SSX2IP: variants seen among roughly 807,000 people sequenced by gnomAD.
The protein encoded by SSX2IP is afadin- and alpha-actinin-binding protein.
A neutral mutation model predicts 84.9 loss-of-function variants in SSX2IP; 55 were observed. The ratio of observed to expected loss-of-function variants is 0.65; its 90% CI spans 0.52 to 0.81. The LOEUF (loss-of-function observed/expected upper bound fraction) is 0.81, where lower values mean the gene tolerates loss of function less well. SSX2IP is among the 30% of genes least tolerant of loss of function. The pLI, the probability that SSX2IP is intolerant of heterozygous loss-of-function variation, is 0.00. For missense variants in SSX2IP, 664 were observed against 705.2 expected (o/e 0.94, Z 0.66); for synonymous variants, 239 against 234.7 (o/e 1.02, Z -0.17).
At chr1:84,655,590 T>C (rs1275523624) in intron 11 of SSX2IP, 1 of 1,452,156 alleles carries the variant, frequency 6.9e-7, no homozygotes. Flanking sequence ...AAAGCCAATC[T>C]GAAAGCAGTA....
intron 1 of SSX2IP, among the ~76,000 whole-genome samples, chr1:84,689,856 G>A (rs1470429145): frequency 1.3e-5 from 2 of 152,158 alleles, no homozygotes; most frequent in African/African-American, 4.8e-5. Flanking sequence ...CTTTTTACTA[G>A]ACCACTATCG....
chr1:84,680,976 G>A (rs991277242), intron 1 of SSX2IP, among the ~76,000 whole-genome samples: 1 of 152,068 alleles, frequency 6.6e-6, no homozygotes, highest in African/African-American at 2.4e-5. Flanking sequence ...CAAAACCAAT[G>A]GTAGAATGGC....
intron 4 of SSX2IP, 26 bp from the exon 5 acceptor site, chr1:84,666,258 T>C: frequency 6.4e-7 from 1 of 1,550,962 alleles, no homozygotes; most frequent in Non-Finnish European, 8.9e-7. Context: ...GCAATTTTGC[T>C]TAAAATTAAT....
In SSX2IP at chr1:84,669,635, T is replaced by G. The variant is rs201718103; in HGVS notation, c.426+46A>C. On this transcript the variant is annotated intron_variant, in intron 4 of 13. Transcript: ENST00000342203. ...TAAAGTCAGTAAAAATTTATAGTAC[T>G]CAATTATATAATTATGGCATTAAAA... The G allele has an allele frequency of 9.7e-6, 14 of 1,447,376 alleles. No individual in the cohort carries two copies. The East Asian group carries it at 2.7e-4, about 28-fold the overall frequency. The allele number at this position is 1,447,376 out of a possible 1,614,324, so 89.7% of individuals were successfully genotyped here.
At chr1:84,682,425 T>C (rs1014496256) in intron 1 of SSX2IP, among the ~76,000 whole-genome samples, 1 of 152,198 alleles carries the variant, frequency 6.6e-6, no homozygotes, top group African/African-American at 2.4e-5. Flanking sequence ...AGTTCTATTA[T>C]CTTTTGATTT....
At chr1:84,675,707 C>T (rs1654226165) in intron 1 of SSX2IP, among the ~76,000 whole-genome samples, 1 of 152,176 alleles carries the variant, frequency 6.6e-6, no homozygotes, top group South Asian at 2.1e-4. Context: ...TTCCTATGCC[C>T]TATTATTTAC....
intron 1 of SSX2IP, among the ~76,000 whole-genome samples, chr1:84,675,689 C>T (rs1217276969): frequency 6.6e-6 from 1 of 152,200 alleles, no homozygotes; most frequent in African/African-American, 2.4e-5. Flanking sequence ...AAATGCACAT[C>T]TGATTGCTTC....
At chr1:84,648,680 G>C (rs1649789531) in intron 13 of SSX2IP, among the ~76,000 whole-genome samples, 1 of 152,142 alleles carries the variant, frequency 6.6e-6, no homozygotes, top group Non-Finnish European at 1.5e-5. Flanking sequence ...ATTTGTGAAT[G>C]GTGGCTAGAA....
At chr1:84,672,280 G>A (rs1367827335) in intron 1 of SSX2IP, among the ~76,000 whole-genome samples, 1 of 152,176 alleles carries the variant, frequency 6.6e-6, no homozygotes, top group Non-Finnish European at 1.5e-5. Context: ...ACTGTGGACA[G>A]CTGCTTCTCG....
Position 84,666,194 on chromosome 1 carries a change from A to G in SSX2IP, c.465T>C (p.Leu155=), listed in dbSNP as rs748337521. 3 of 1,612,796 alleles carry G rather than the reference A, an allele frequency of 1.9e-6. No homozygotes were observed. The highest frequency in any genetic ancestry group is 2.5e-6 in the Non-Finnish European group (3 of 1,179,314). ...ATTGTAACTGTCTGTCTCTTTCCTG[A>G]AGCCCAATCATTTCCCTCCTGGAGG... The part of the protein sequence containing the change: ...LETSRREMIG[L]QERDRQLQCK... Residue 155 remains leucine, a synonymous_variant, in exon 5 of 14, where the codon CTT becomes CTC. Transcript: ENST00000342203.
chr1:84,658,861 G>C (rs1021020115), intron 8 of SSX2IP, among the ~76,000 whole-genome samples: 1 of 152,190 alleles, frequency 6.6e-6, no homozygotes, highest in East Asian at 1.9e-4. Flanking sequence ...AGATCAACTT[G>C]TTTCTAATCC....
rs1656470775 is a variant in SSX2IP, at chr1:84,690,438, G to C, written c.-157C>G. ...CCTAGCCCGGCTCCCGCAGCCCGAG[G>C]GCCAGCAGCGCCTCGCAGCGCCTCC... is the stretch of plus-strand genomic sequence containing the variant. On this transcript the variant is annotated 5_prime_UTR_variant, in exon 1 of 14. Transcript: ENST00000342203. 6.6e-6 allele frequency: 1 copy of C among 151,604 alleles called. No homozygotes were observed. Among genetic ancestry groups the C allele is most frequent in the Non-Finnish European group, 1.5e-5 (1 of 67,906 alleles). 9.4% of individuals were successfully genotyped at this position (151,604 alleles called of 1,614,324 possible). A position where few individuals can be genotyped will look rare whatever the true frequency, so the allele number is the denominator to read the frequency against.
chr1:84,666,568 C>T (rs1257732744), intron 4 of SSX2IP, among the ~76,000 whole-genome samples: 2 of 152,146 alleles, frequency 1.3e-5, no homozygotes, highest in Non-Finnish European at 2.9e-5. Flanking sequence ...TTCTATACCA[C>T]ACTTTTGAAG....
At chr1:84,650,615 C>A in intron 12 of SSX2IP, 88 bp from the exon 13 acceptor site, 1 of 1,397,806 alleles carries the variant, frequency 7.2e-7, no homozygotes, top group South Asian at 1.2e-5. Flanking sequence ...GATTCATCTG[C>A]GGTTCTGAGT....
chr1:84,658,154 A>T lies in SSX2IP; in HGVS notation c.1078+164T>A, dbSNP rs549306540. 8.4e-6 allele frequency: 6 copies of T among 718,472 alleles called. No individual in the cohort carries two copies. The East Asian group carries it at 1.7e-4, about 21-fold the overall frequency. The allele number at this position is 718,472 out of a possible 1,614,324, so 44.5% of individuals were successfully genotyped here. A position where few individuals can be genotyped will look rare whatever the true frequency, so the allele number is the denominator to read the frequency against. On this transcript the variant is annotated intron_variant, in intron 9 of 13. Transcript: ENST00000342203. The stretch of plus-strand genomic sequence containing the variant: ...CTGTCTCAAAAAGTAAAATAAAATA[A>T]AATAAAATGAAAAAATAAATGTATG...
At chr1:84,663,589 A>G (rs1386713888) in intron 6 of SSX2IP, among the ~76,000 whole-genome samples, 1 of 152,220 alleles carries the variant, frequency 6.6e-6, no homozygotes, top group Non-Finnish European at 1.5e-5. Context: ...ACAGTGATGT[A>G]GTCAACACTA....
chr1:84,655,731 AAAATAAGT>A (rs1278671331), intron 11 of SSX2IP, 93 bp downstream of exon 11: 52 of 1,444,710 alleles, frequency 3.6e-5, no homozygotes, highest in Non-Finnish European at 6.4e-6. Flanking sequence ...AATATTTTAG[AAAATAAGT>A]AAATAGCAAG....
chr1:84,651,721 C>T (rs1650276230), intron 12 of SSX2IP, among the ~76,000 whole-genome samples, 162 bp downstream of exon 12: 2 of 152,138 alleles, frequency 1.3e-5, no homozygotes, highest in African/African-American at 4.8e-5. Context: ...GAGCAAGACT[C>T]CGTCTCAAAA....
At chr1:84,676,421 T>A (rs1264909774) in intron 1 of SSX2IP, among the ~76,000 whole-genome samples, 1 of 152,198 alleles carries the variant, frequency 6.6e-6, no homozygotes, top group East Asian at 1.9e-4. Flanking sequence ...ACTTTTGAAG[T>A]AGTAAGTACT....
Sources: gnomAD v4.1 joint callset for allele counts (sites outside exome capture counted in the v4.1 genomes callset) on GRCh38, gnomAD v4.1.1 for gene constraint, MANE v1.5 for transcripts, NCBI Gene and HGNC (gene_info 2026-07-23, HGNC 2026-07-21) for gene names.